The following EYA4 variants were observed in gnomAD, a reference collection of about 807,000 sequenced individuals.
EYA4 encodes the protein EYA transcriptional coactivator and phosphatase 4.
Under a neutral mutation model 87.9 loss-of-function variants are expected in EYA4, and 31 were observed. That is an observed-to-expected ratio of 0.35 (90% CI 0.27 to 0.48). The LOEUF is 0.48. EYA4 is among the 20% of genes least tolerant of loss of function. EYA4 has a pLI of 0.99. For missense variants in EYA4, 678 were observed against 761.4 expected (o/e 0.89, Z 1.29); for synonymous variants, 263 against 270.6 (o/e 0.97, Z 0.28).
chr6:133,487,820 G>A (rs1044737254), intron 13 of EYA4, among the ~76,000 whole-genome samples: 1 of 152,166 alleles, frequency 6.6e-6, no homozygotes, highest in African/African-American at 2.4e-5. Flanking sequence ...TGGTGGCTAT[G>A]GAGAGGGACT....
chr6:133,354,105 G>T (rs939544694), intron 2 of EYA4, among the ~76,000 whole-genome samples: 1 of 152,054 alleles, frequency 6.6e-6, no homozygotes, highest in Non-Finnish European at 1.5e-5. Flanking sequence ...ATAATTACTG[G>T]ATGTGCTATA....
At chr6:133,379,516 T>A (rs1785990897) in intron 2 of EYA4, among the ~76,000 whole-genome samples, 1 of 152,168 alleles carries the variant, frequency 6.6e-6, no homozygotes, top group Admixed American at 6.5e-5. Context: ...AATAACCTTT[T>A]TTGTCTTCGG....
intron 1 of EYA4, among the ~76,000 whole-genome samples, chr6:133,258,255 G>A (rs1160324221): frequency 6.6e-6 from 1 of 152,186 alleles, no homozygotes; most frequent in African/African-American, 2.4e-5. Context: ...GTAAGGACTA[G>A]TATCCACATC....
intron 2 of EYA4, among the ~76,000 whole-genome samples, chr6:133,283,865 A>G (rs1777824302): frequency 2.0e-5 from 3 of 152,148 alleles, no homozygotes; most frequent in Admixed American, 2.0e-4. Flanking sequence ...AAAGGTCTCC[A>G]GTGACTATTA....
Position 133,276,868 on chromosome 6 carries a change from G to T in EYA4, c.33+2055G>T, listed in dbSNP as rs184831696. Among the ~76,000 whole-genome samples, 21 of 149,324 alleles carry T rather than the reference G, an allele frequency of 1.4e-4. No homozygotes were observed. The East Asian group carries it at 3.5e-3, about 25-fold the overall frequency. On this transcript the variant is annotated intron_variant, in intron 2 of 19. Coordinates refer to ENST00000355286, the MANE Select transcript of EYA4 (RefSeq NM_004100.5). ...AACATCGACGTGCCTCATTGCCTTT[G>T]GGTTATGCATATTGTGGCATTTATA... is the stretch of plus-strand genomic sequence containing the variant.
intron 3 of EYA4, among the ~76,000 whole-genome samples, chr6:133,433,241 C>A (rs773522920): frequency 1.3e-5 from 2 of 152,116 alleles, no homozygotes; most frequent in Non-Finnish European, 2.9e-5. Flanking sequence ...AATATAAGTT[C>A]TGTAGGCAAA....
At chr6:133,507,260 A>G (rs1317068064) in intron 14 of EYA4, 2 of 152,216 alleles carry the variant, frequency 1.3e-5, no homozygotes, top group Admixed American at 1.3e-4. Context: ...TCTAAATGGC[A>G]GAACTGGAAT....
At chr6:133,415,129 T>C (rs151300106) in intron 3 of EYA4, among the ~76,000 whole-genome samples, 76 of 152,326 alleles carry the variant, frequency 5.0e-4, no homozygotes, top group African/African-American at 1.7e-3. Flanking sequence ...GCTTGGCTGC[T>C]ATCAAACCTG....
chr6:133,353,644 G>A (rs951501475), intron 2 of EYA4, among the ~76,000 whole-genome samples: 2 of 152,228 alleles, frequency 1.3e-5, no homozygotes, highest in South Asian at 4.1e-4. Context: ...CTAGCATCAG[G>A]CAATTAGAAT....
chr6:133,523,189 A>C lies in EYA4; in HGVS notation c.1738+12A>C. 1 of 1,611,054 alleles carries C rather than the reference A, an allele frequency of 6.2e-7. No individual in the cohort carries two copies. The highest frequency in any genetic ancestry group is 1.1e-5 in the South Asian group (1 of 91,030). On this transcript the variant is annotated intron_variant, in intron 18 of 19. Coordinates refer to ENST00000355286, the MANE Select transcript of EYA4 (RefSeq NM_004100.5). ...TGCAACTAAAATAGGTAAGGAAATT[A>C]TTTTAAACTCTGTATGGAATGTGTC...
chr6:133,499,300 T>G (rs986338276), intron 13 of EYA4, among the ~76,000 whole-genome samples: 1 of 152,158 alleles, frequency 6.6e-6, no homozygotes, highest in Admixed American at 6.5e-5. Context: ...TCGTGAGGTG[T>G]GTGTATTTGC....
intron 2 of EYA4, among the ~76,000 whole-genome samples, chr6:133,328,989 G>A (rs1264950516): frequency 4.6e-5 from 7 of 152,084 alleles, no homozygotes; most frequent in African/African-American, 1.7e-4. Flanking sequence ...GTGTGTTTCT[G>A]TGTATCTTTT....
chr6:133,300,964 A>C (rs909001660), intron 2 of EYA4, among the ~76,000 whole-genome samples: 18 of 152,226 alleles, frequency 1.2e-4, no homozygotes, highest in Non-Finnish European at 2.2e-4. Flanking sequence ...TTATGAAATT[A>C]AAAGCAAAGT....
At chr6:133,491,951 CA>C (rs34316449) in intron 13 of EYA4, among the ~76,000 whole-genome samples, 5,610 of 83,628 alleles carry the variant, frequency 0.067, 146 homozygotes, top group African/African-American at 0.14. Flanking sequence ...AACTCCGTCT[CA>C]AAAAAAAAAA....
At chr6:133,425,025 G>T (rs1424164729) in intron 3 of EYA4, among the ~76,000 whole-genome samples, 1 of 150,758 alleles carries the variant, frequency 6.6e-6, no homozygotes, top group Non-Finnish European at 1.5e-5. Context: ...TGTGTTGTAA[G>T]TGTGTATCAA....
intron 14 of EYA4, among the ~76,000 whole-genome samples, chr6:133,506,431 G>C (rs1223972789): frequency 6.6e-6 from 1 of 152,144 alleles, no homozygotes; most frequent in African/African-American, 2.4e-5. Flanking sequence ...TGTTGGCTTT[G>C]CTGTCCTTAC....
chr6:133,266,376 G>A (rs1300338587), intron 1 of EYA4, among the ~76,000 whole-genome samples: 2 of 152,072 alleles, frequency 1.3e-5, no homozygotes, highest in East Asian at 3.9e-4. Context: ...GAGAGACAAA[G>A]GATGCTTCCC....
At chr6:133,244,240 C>CGGTT (rs1562198364) in intron 1 of EYA4, among the ~76,000 whole-genome samples, 1 of 151,962 alleles carries the variant, frequency 6.6e-6, no homozygotes, top group African/African-American at 2.4e-5. Flanking sequence ...TTGTAACTAC[C>CGGTT]GGTTGGTTCA....
chr6:133,330,592 CAT>C (rs1468283173), intron 2 of EYA4, among the ~76,000 whole-genome samples: 24 of 135,378 alleles, frequency 1.8e-4, no homozygotes, highest in African/African-American at 6.1e-4. Context: ...CACACACACA[CAT>C]ACTTTTTTGG....
Sources: allele counts gnomAD v4.1 joint callset (sites outside exome capture counted in the v4.1 genomes callset), GRCh38; gene constraint gnomAD v4.1.1; transcripts MANE v1.5; gene names NCBI Gene and HGNC (gene_info 2026-07-23, HGNC 2026-07-21).